Variants in FSIP1 observed in about 807,000 individuals in gnomAD.
FSIP1 encodes the protein fibrous sheath-interacting protein 1.
In FSIP1, 65 loss-of-function variants were observed where a neutral mutation model predicts 60.9. That is an observed-to-expected ratio of 1.07 (90% CI 0.87 to 1.31). The LOEUF is 1.31. FSIP1 is among the 40% of genes most tolerant of loss of function. The pLI, the probability that FSIP1 is intolerant of heterozygous loss-of-function variation, is 0.00. For synonymous variants in FSIP1, 209 were observed against 221.2 expected, an observed-to-expected ratio of 0.94 and a Z score of 0.49; for missense variants, 675 against 665.5, an observed-to-expected ratio of 1.01 and a Z score of -0.16.
intron 8 of FSIP1, among the ~76,000 whole-genome samples, chr15:39,727,852 T>C (rs1896255919): frequency 6.6e-6 from 1 of 152,232 alleles, no homozygotes; most frequent in African/African-American, 2.4e-5. Context: ...CAACTATCTC[T>C]GTTTGCAGAC....
intron 11 of FSIP1, among the ~76,000 whole-genome samples, chr15:39,606,309 C>A (rs1890822081): frequency 6.6e-6 from 1 of 152,196 alleles, no homozygotes; most frequent in East Asian, 1.9e-4. Flanking sequence ...ACAAAACTTA[C>A]ATGACTCTTG....
At chr15:39,656,119 C>T (rs558254264) in intron 10 of FSIP1, among the ~76,000 whole-genome samples, 7 of 152,082 alleles carry the variant, frequency 4.6e-5, no homozygotes, top group Non-Finnish European at 7.4e-5. Context: ...AGATGTTTGT[C>T]GACACCAAGC....
intron 5 of FSIP1, among the ~76,000 whole-genome samples, 193 bp from the exon 6 acceptor site, chr15:39,742,093 C>T (rs1198948021): frequency 6.6e-6 from 1 of 152,122 alleles, no homozygotes; most frequent in Non-Finnish European, 1.5e-5. Context: ...ATACAGGAGC[C>T]AAATGAAACA....
intron 11 of FSIP1, among the ~76,000 whole-genome samples, chr15:39,615,414 C>CAAA (rs576946264): frequency 3.9e-5 from 2 of 51,724 alleles, no homozygotes; most frequent in African/African-American, 8.2e-5. Context: ...AACTCAATAG[C>CAAA]AAAAAAAAAA....
chr15:39,658,773 A>G, intron 10 of FSIP1, among the ~76,000 whole-genome samples: 1 of 152,240 alleles, frequency 6.6e-6, no homozygotes, highest in East Asian at 1.9e-4. Context: ...AAAGCAAAAC[A>G]TTGAGCTGCC....
intron 5 of FSIP1, among the ~76,000 whole-genome samples, chr15:39,761,741 A>T (rs79230353): frequency 1.3e-5 from 2 of 152,364 alleles, no homozygotes; most frequent in East Asian, 1.9e-4. Context: ...ACCATAAAAG[A>T]TGTTAAGTAT....
chr15:39,609,170 G>A (rs969263714), intron 11 of FSIP1, among the ~76,000 whole-genome samples: 3 of 152,206 alleles, frequency 2.0e-5, no homozygotes, highest in Admixed American at 6.5e-5. Context: ...TCACAGAAAC[G>A]AGCACATGGA....
At chr15:39,716,027 A>T (rs1267366598) in intron 9 of FSIP1, among the ~76,000 whole-genome samples, 1 of 152,144 alleles carries the variant, frequency 6.6e-6, no homozygotes, top group East Asian at 1.9e-4. Context: ...TTTATAAATT[A>T]CCCATTCTCA....
intron 8 of FSIP1, among the ~76,000 whole-genome samples, chr15:39,729,609 T>A (rs973639515): frequency 6.6e-6 from 1 of 151,994 alleles, no homozygotes; most frequent in African/African-American, 2.4e-5. Context: ...CATGCGTATG[T>A]TCATCGCAGC....
At chr15:39,692,843 A>T (rs1483776360) in intron 10 of FSIP1, among the ~76,000 whole-genome samples, 1 of 152,216 alleles carries the variant, frequency 6.6e-6, no homozygotes, top group East Asian at 1.9e-4. Flanking sequence ...CCTCTAATGG[A>T]TCTGAATGGG....
intron 9 of FSIP1, among the ~76,000 whole-genome samples, chr15:39,717,546 G>A (rs779860753): frequency 6.6e-6 from 1 of 152,214 alleles, no homozygotes; most frequent in Non-Finnish European, 1.5e-5. Flanking sequence ...CTACTCAGAA[G>A]GTTATAAGAC....
intron 10 of FSIP1, among the ~76,000 whole-genome samples, chr15:39,669,112 C>G (rs962198046): frequency 2.6e-5 from 4 of 152,150 alleles, no homozygotes; most frequent in African/African-American, 9.7e-5. Context: ...CAGCAGACAG[C>G]CTTCAGGAGG....
chr15:39,676,611 C>T lies in FSIP1; in HGVS notation c.1188+36833G>A, dbSNP rs559641365. On this transcript the variant is annotated intron_variant, in intron 10 of 11. Coordinates refer to ENST00000350221, the MANE Select transcript of FSIP1 (RefSeq NM_152597.5). ...AGAATATACTAAAAATGAGTTTTTT[C>T]CCCTCCTAAATGTCATTAGCATATT... Among the ~76,000 whole-genome samples, 5 of 152,232 alleles carry T rather than the reference C, an allele frequency of 3.3e-5. No individual in the cohort carries two copies. The South Asian group carries it at 8.3e-4, about 25-fold the overall frequency.
intron 10 of FSIP1, among the ~76,000 whole-genome samples, chr15:39,682,515 G>A (rs1894206900): frequency 6.6e-6 from 1 of 152,190 alleles, no homozygotes; most frequent in Non-Finnish European, 1.5e-5. Context: ...CCCAGGAAGG[G>A]GTGAGGGGGT....
At chr15:39,780,507 G>C (rs181095527) in intron 1 of FSIP1, among the ~76,000 whole-genome samples, 3 of 152,116 alleles carry the variant, frequency 2.0e-5, no homozygotes, top group African/African-American at 7.2e-5. Flanking sequence ...GCAACAGAGC[G>C]AGACTCCGTG....
At chr15:39,765,016 C>T (rs1026135157) in intron 4 of FSIP1, among the ~76,000 whole-genome samples, 3 of 152,156 alleles carry the variant, frequency 2.0e-5, no homozygotes, top group Non-Finnish European at 4.4e-5. Flanking sequence ...ACATGGTACC[C>T]TGGGCCTGTC....
chr15:39,643,673 T>C (rs933626565), intron 10 of FSIP1, among the ~76,000 whole-genome samples: 1 of 152,244 alleles, frequency 6.6e-6, no homozygotes, highest in South Asian at 2.1e-4. Flanking sequence ...ATTGAGACAA[T>C]GTACTTCTTT....
At chr15:39,777,552 T>A (rs1241921652) in intron 1 of FSIP1, among the ~76,000 whole-genome samples, 1 of 152,168 alleles carries the variant, frequency 6.6e-6, no homozygotes, top group East Asian at 1.9e-4. Flanking sequence ...AAGCAAGAAA[T>A]ACTAGGCAGG....
intron 10 of FSIP1, among the ~76,000 whole-genome samples, chr15:39,709,112 G>A (rs1895391958): frequency 6.6e-6 from 1 of 152,152 alleles, no homozygotes; most frequent in African/African-American, 2.4e-5. Context: ...AGCATTTACT[G>A]ACAAATCAAT....
Sources: gnomAD v4.1 joint callset for allele counts (sites outside exome capture counted in the v4.1 genomes callset) on GRCh38, gnomAD v4.1.1 for gene constraint, MANE v1.5 for transcripts, NCBI Gene and HGNC (gene_info 2026-07-23, HGNC 2026-07-21) for gene names.